The following KAZN variants were observed in gnomAD, a reference collection of about 807,000 sequenced individuals.
KAZN encodes kazrin.
A neutral mutation model predicts 87.4 loss-of-function variants in KAZN; 40 were observed. That is an observed-to-expected ratio of 0.46 (90% CI 0.36 to 0.60). The LOEUF is 0.60. Among genes scored for constraint, KAZN ranks in the 20% least tolerant of loss-of-function variants. The probability of loss-of-function intolerance (pLI) is 0.00; values close to 1 mark genes in which losing one functional copy is unlikely to be tolerated. For missense variants in KAZN, 898 were observed against 1,073.9 expected, an observed-to-expected ratio of 0.84 and a Z score of 2.29; for synonymous variants, 466 against 458.3, an observed-to-expected ratio of 1.02 and a Z score of -0.22.
At chr1:14,723,406 G>A (rs564627612) in intron 1 of KAZN, among the ~76,000 whole-genome samples, 56 of 152,244 alleles carry the variant, frequency 3.7e-4, no homozygotes, top group Admixed American at 1.2e-3. Flanking sequence ...AAGTCCTCAG[G>A]TCCCGGGGCA....
rs201568453 is a variant in KAZN at position 14,034,286 on chromosome 1, TG to T, written c.91+140531del. On this transcript the variant is annotated intron_variant, in intron 1 of 16. Coordinates refer to the KAZN transcript ENST00000636203. ...ATACAAGCTGGTGTTTCCTTTTAGCTGTTTTTTTTTTCTGTGCCTTTGCAAA... is the reference window on the plus strand; with the variant it reads ...ATACAAGCTGGTGTTTCCTTTTAGCTTTTTTTTTTTCTGTGCCTTTGCAAA... 8.9e-3 allele frequency among the ~76,000 whole-genome samples: 1,346 copies of T among 151,888 alleles called. 26 individuals carry two copies. Among genetic ancestry groups the T allele is most frequent in the African/African-American group, 0.031 (1,288 of 41,218 alleles).
intron 5 of KAZN, among the ~76,000 whole-genome samples, chr1:15,058,214 G>C (rs944305521): frequency 2.6e-5 from 4 of 152,328 alleles, no homozygotes; most frequent in Admixed American, 2.6e-4. Flanking sequence ...TGTGGCTACT[G>C]TCTGGGATTG....
chr1:14,583,480 G>A (rs892294901), intron 2 of KAZN, among the ~76,000 whole-genome samples: 1 of 152,188 alleles, frequency 6.6e-6, no homozygotes, highest in Non-Finnish European at 1.5e-5. Context: ...AGAGAAGCTG[G>A]CAGGTAGTGT....
intron 2 of KAZN, among the ~76,000 whole-genome samples, chr1:14,554,971 T>A (rs1028551527): frequency 6.6e-6 from 1 of 152,136 alleles, no homozygotes. Flanking sequence ...CCCGTAAGAG[T>A]TCCTTAGCTC....
At chr1:14,098,902 C>G (rs1443834334) in intron 1 of KAZN, among the ~76,000 whole-genome samples, 2 of 152,204 alleles carry the variant, frequency 1.3e-5, no homozygotes, top group Non-Finnish European at 2.9e-5. Flanking sequence ...CACCCACACA[C>G]ATGGAATTCA....
At chr1:14,147,359 CCTAGCTGTCTCATTTA>C in intron 1 of KAZN, among the ~76,000 whole-genome samples, 1 of 152,234 alleles carries the variant, frequency 6.6e-6, no homozygotes, top group South Asian at 2.1e-4. Flanking sequence ...GAGTTTAAAC[CCTAGCTGTCTCATTTA>C]CTAGCTTGGG....
chr1:13,909,355 C>G (rs146849195), intron 1 of KAZN, among the ~76,000 whole-genome samples: 67 of 152,192 alleles, frequency 4.4e-4, no homozygotes, highest in African/African-American at 1.3e-3. Context: ...TGTAAACCTA[C>G]GAAAGGCTGT....
intron 2 of KAZN, among the ~76,000 whole-genome samples, chr1:14,362,935 T>C (rs1427804409): frequency 6.6e-6 from 1 of 152,174 alleles, no homozygotes; most frequent in Non-Finnish European, 1.5e-5. Context: ...TCAGCCTCCA[T>C]GAGGTCCCCC....
chr1:14,356,314 T>A (rs1659024939), intron 2 of KAZN, among the ~76,000 whole-genome samples: 1 of 151,016 alleles, frequency 6.6e-6, no homozygotes, highest in African/African-American at 2.5e-5. Context: ...CCTTGTAGAT[T>A]CTGGATATTA....
At chr1:14,411,269 T>G (rs1176133266) in intron 2 of KAZN, among the ~76,000 whole-genome samples, 1 of 152,302 alleles carries the variant, frequency 6.6e-6, no homozygotes, top group African/African-American at 2.4e-5. Flanking sequence ...AGAGTGAGGA[T>G]AAAATGAAGT....
chr1:14,149,123 A>C (rs374898795), intron 1 of KAZN, among the ~76,000 whole-genome samples: 1 of 2,070 alleles, frequency 4.8e-4, no homozygotes, highest in African/African-American at 1.4e-3. Context: ...TTTTTTTTTG[A>C]CAGAGTCTTG....
Position 14,715,377 on chromosome 1 carries a change from C to T in KAZN, c.226+116154C>T, listed in dbSNP as rs373078762. Among the ~76,000 whole-genome samples, 62 of 152,282 alleles carry T rather than the reference C, an allele frequency of 4.1e-4. 1 individual carries two copies. Among genetic ancestry groups the T allele is most frequent in the East Asian group, 3.1e-3 (16 of 5,168 alleles). On this transcript the variant is annotated intron_variant, in intron 1 of 14. Coordinates refer to ENST00000376030, the MANE Select transcript of KAZN (RefSeq NM_201628.3). ...CCTTGCCTATAGTGCTTTACCTTCA[C>T]GAGGGAGGTTGGCCAAGTTTACAAA...
At chr1:14,364,331 A>T (rs1442020855) in intron 2 of KAZN, among the ~76,000 whole-genome samples, 1 of 152,164 alleles carries the variant, frequency 6.6e-6, no homozygotes, top group African/African-American at 2.4e-5. Flanking sequence ...AGTTTCTTCC[A>T]CTGCAAAATG....
At chr1:14,938,543 A>AC (rs1491189926) in intron 1 of KAZN, among the ~76,000 whole-genome samples, 2 of 38,306 alleles carry the variant, frequency 5.2e-5, no homozygotes, top group African/African-American at 9.5e-4. Context: ...ACTCCATCTC[A>AC]AAAAAAAAAA....
At chr1:14,372,414 G>A (rs1660563435) in intron 2 of KAZN, among the ~76,000 whole-genome samples, 1 of 152,188 alleles carries the variant, frequency 6.6e-6, no homozygotes, top group South Asian at 2.1e-4. Context: ...CAACCTTCGT[G>A]CTAGTGACAG....
chr1:14,393,256 C>T (rs1175242883), intron 2 of KAZN, among the ~76,000 whole-genome samples: 1 of 152,168 alleles, frequency 6.6e-6, no homozygotes, highest in Admixed American at 6.5e-5. Flanking sequence ...TGTATCACCT[C>T]TTGTTGATCT....
chr1:14,276,163 GTGTGT>G (rs1557610032), intron 2 of KAZN, among the ~76,000 whole-genome samples: 1,657 of 49,594 alleles, frequency 0.033, 19 homozygotes, highest in African/African-American at 0.14. Flanking sequence ...CTATAAGGGT[GTGTGT>G]GTGTGTGTGT....
intron 1 of KAZN, among the ~76,000 whole-genome samples, chr1:14,013,690 C>A (rs17353372): frequency 0.11 from 17,263 of 152,248 alleles, 1,216 homozygotes; most frequent in South Asian, 0.22. Context: ...ACACCGTAAT[C>A]AAACTGAAAT....
chr1:15,052,045 G>A (rs916531250), intron 4 of KAZN, among the ~76,000 whole-genome samples: 3 of 152,192 alleles, frequency 2.0e-5, no homozygotes, highest in African/African-American at 7.2e-5. Flanking sequence ...CAGAACCCAA[G>A]GGGAGTTCCC....
Sources: gnomAD v4.1 joint callset for allele counts (sites outside exome capture counted in the v4.1 genomes callset) on GRCh38, gnomAD v4.1.1 for gene constraint, MANE v1.5 for transcripts, NCBI Gene and HGNC (gene_info 2026-07-23, HGNC 2026-07-21) for gene names.